Variants in NRG1 observed in about 807,000 individuals in gnomAD.
NRG1 encodes the protein pro-neuregulin-1, membrane-bound isoform.
In NRG1, 18 loss-of-function variants were observed where a neutral mutation model predicts 63.8. The ratio of observed to expected loss-of-function variants is 0.28; its 90% CI spans 0.19 to 0.42. The LOEUF is 0.42. Among genes scored for constraint, NRG1 ranks in the 10% least tolerant of loss-of-function variants. The probability of loss-of-function intolerance (pLI) is 1.00; values close to 1 mark genes in which losing one functional copy is unlikely to be tolerated. For synonymous variants in NRG1, 302 were observed against 301.3 expected, an observed-to-expected ratio of 1.00 and a Z score of -0.02; for missense variants, 762 against 814.7, an observed-to-expected ratio of 0.94 and a Z score of 0.79.
chr8:31,861,728 G>T (rs953616456), intron 1 of NRG1, among the ~76,000 whole-genome samples: 1 of 152,118 alleles, frequency 6.6e-6, no homozygotes, highest in Non-Finnish European at 1.5e-5. Context: ...CCCCTTGATA[G>T]GCAAAGGCTT....
chr8:31,647,058 C>A (rs1002122883), intron 1 of NRG1, among the ~76,000 whole-genome samples: 4 of 152,164 alleles, frequency 2.6e-5, no homozygotes, highest in East Asian at 1.9e-4. Context: ...AGTCTATGAA[C>A]CCTTACCACT....
chr8:31,776,435 C>T lies in NRG1; in HGVS notation c.37+137004C>T, dbSNP rs537207711. Among the ~76,000 whole-genome samples the T allele has an allele frequency of 1.5e-4, 23 of 152,282 alleles. No individual in the cohort carries two copies. The East Asian group carries it at 4.4e-3, about 29-fold the overall frequency. On this transcript the variant is annotated intron_variant, in intron 1 of 10. Transcript: ENST00000519301. ...ATGGGAAAAAATAGGAACTCTTGAA[C>T]TTGAGCAAGTATTAGAATATGTGAG...
intron 1 of NRG1, among the ~76,000 whole-genome samples, chr8:31,981,495 A>G (rs1334965153): frequency 1.3e-5 from 2 of 152,008 alleles, no homozygotes; most frequent in African/African-American, 2.4e-5. Context: ...AGTGAACTAT[A>G]TTTTTCCACC....
At chr8:32,059,690 AT>A (rs1823533915) in intron 1 of NRG1, among the ~76,000 whole-genome samples, 1 of 151,914 alleles carries the variant, frequency 6.6e-6, no homozygotes, top group African/African-American at 2.4e-5. Flanking sequence ...GGAGCATCTC[AT>A]TATTTTAGGT....
intron 1 of NRG1, among the ~76,000 whole-genome samples, chr8:31,724,116 G>T (rs573172604): frequency 2.6e-5 from 4 of 152,124 alleles, no homozygotes; most frequent in Middle Eastern, 3.4e-3. Context: ...GCCGGGCATG[G>T]TGGTTCATGA....
intron 1 of NRG1, among the ~76,000 whole-genome samples, chr8:31,846,450 T>C (rs1826695990): frequency 6.6e-6 from 1 of 152,220 alleles, no homozygotes; most frequent in African/African-American, 2.4e-5. Flanking sequence ...TATAATGTTG[T>C]TCTGGTCAAG....
At chr8:32,178,130 A>C (rs1841005818) in intron 1 of NRG1, among the ~76,000 whole-genome samples, 1 of 152,160 alleles carries the variant, frequency 6.6e-6, no homozygotes, top group South Asian at 2.1e-4. Context: ...AGAATTCCGA[A>C]AAACTCCATG....
chr8:32,661,770 C>T (rs1196906633), intron 5 of NRG1, among the ~76,000 whole-genome samples: 1 of 151,816 alleles, frequency 6.6e-6, no homozygotes, highest in African/African-American at 2.4e-5. Context: ...GGAGAACAAA[C>T]AAAAGAATAA....
chr8:31,908,822 A>G (rs564023773), intron 1 of NRG1, among the ~76,000 whole-genome samples: 10 of 152,294 alleles, frequency 6.6e-5, no homozygotes, highest in African/African-American at 2.4e-4. Flanking sequence ...ATATAAGGGA[A>G]AAAAAGCCAG....
At chr8:31,785,538 C>T (rs914757104) in intron 1 of NRG1, among the ~76,000 whole-genome samples, 1 of 152,134 alleles carries the variant, frequency 6.6e-6, no homozygotes, top group Non-Finnish European at 1.5e-5. Flanking sequence ...GATATAGCTT[C>T]TCAAATGTAA....
chr8:32,027,443 TCC>T (rs1817574666), intron 1 of NRG1, among the ~76,000 whole-genome samples: 1 of 129,276 alleles, frequency 7.7e-6, no homozygotes. Context: ...CTTCCTTCCT[TCC>T]TTCCTTCCTT....
intron 1 of NRG1, among the ~76,000 whole-genome samples, chr8:32,169,170 G>T (rs994083416): frequency 6.6e-6 from 1 of 152,150 alleles, no homozygotes; most frequent in Admixed American, 6.5e-5. Flanking sequence ...AGCATCTCAG[G>T]TTGGTACCTG....
intron 1 of NRG1, among the ~76,000 whole-genome samples, chr8:32,111,505 A>T (rs1252193819): frequency 6.6e-6 from 1 of 151,832 alleles, no homozygotes; most frequent in Non-Finnish European, 1.5e-5. Context: ...TGGTACCTCC[A>T]CTCTGTCACA....
chr8:32,460,685 T>A (rs1822198074), intron 1 of NRG1, among the ~76,000 whole-genome samples: 1 of 152,164 alleles, frequency 6.6e-6, no homozygotes, highest in African/African-American at 2.4e-5. Flanking sequence ...ACAACAACAA[T>A]TTGTTTTTCA....
chr8:31,738,676 C>T (rs1814942612), intron 1 of NRG1, among the ~76,000 whole-genome samples: 1 of 152,076 alleles, frequency 6.6e-6, no homozygotes, highest in Non-Finnish European at 1.5e-5. Context: ...CAGGGCCATG[C>T]TCCCTGTGGG....
intron 1 of NRG1, among the ~76,000 whole-genome samples, chr8:32,279,324 A>G (rs753103275): frequency 1.3e-5 from 2 of 152,154 alleles, no homozygotes; most frequent in Non-Finnish European, 2.9e-5. Flanking sequence ...TTTTACTGAC[A>G]AGGACACTGA....
chr8:32,039,690 A>T (rs557728343), intron 1 of NRG1, among the ~76,000 whole-genome samples: 2 of 152,136 alleles, frequency 1.3e-5, no homozygotes, highest in African/African-American at 4.8e-5. Flanking sequence ...CCAGGCATGG[A>T]TCTTAACCTC....
intron 1 of NRG1, among the ~76,000 whole-genome samples, chr8:32,091,435 A>G (rs989166330): frequency 6.6e-6 from 1 of 152,188 alleles, no homozygotes; most frequent in Non-Finnish European, 1.5e-5. Context: ...AATGAGTAAA[A>G]TAAGATGGTA....
At chr8:32,242,280 C>T (rs1276965435) in intron 1 of NRG1, among the ~76,000 whole-genome samples, 1 of 152,032 alleles carries the variant, frequency 6.6e-6, no homozygotes, top group East Asian at 1.9e-4. Context: ...TCGAGACCAC[C>T]CTGACCAACG....
Sources: allele counts gnomAD v4.1 joint callset (sites outside exome capture counted in the v4.1 genomes callset), GRCh38; gene constraint gnomAD v4.1.1; transcripts MANE v1.5; gene names NCBI Gene and HGNC (gene_info 2026-07-23, HGNC 2026-07-21).